Variants in DAOA observed in about 807,000 individuals in gnomAD.
DAOA encodes the protein D-amino acid oxidase regulator.
A neutral mutation model predicts 16.4 loss-of-function variants in DAOA; 15 were observed. The ratio of observed to expected loss-of-function variants is 0.91; its 90% CI spans 0.61 to 1.41. DAOA has a LOEUF of 1.41. Ranked by LOEUF, DAOA falls within the 40% of genes most tolerant of loss-of-function variation. The pLI, the probability that DAOA is intolerant of heterozygous loss-of-function variation, is 0.00. For missense variants in DAOA, 230 were observed against 176.8 expected (o/e 1.30, Z -1.71); for synonymous variants, 75 against 59.1 (o/e 1.27, Z -1.23).
chr13:105,475,077 A>G, intron 4 of DAOA: 1 of 981,268 alleles, frequency 1.0e-6, no homozygotes, highest in Non-Finnish European at 1.2e-6. Flanking sequence ...TGAGGTAAAG[A>G]TGTTAAGCTG....
chr13:105,471,944 A>G (rs776394846), intron 3 of DAOA, among the ~76,000 whole-genome samples: 4 of 152,156 alleles, frequency 2.6e-5, no homozygotes, highest in Non-Finnish European at 5.9e-5. Context: ...TCCCACATTC[A>G]CTATCACACT....
intron 4 of DAOA, 200 bp from the exon 5 acceptor site, chr13:105,489,701 G>A: frequency 1.8e-6 from 2 of 1,133,394 alleles, no homozygotes; most frequent in South Asian, 3.4e-5. Flanking sequence ...CAAATATGTA[G>A]TTGTGGCAGT....
rs183529578 is a variant in DAOA, at chr13:105,471,801, A to G, written c.134-737A>G. Among the ~76,000 whole-genome samples the G allele has an allele frequency of 2.2e-4, 34 of 152,336 alleles. No individual in the cohort carries two copies. The East Asian group carries it at 6.2e-3, about 28-fold the overall frequency. On this transcript the variant is annotated intron_variant, in intron 3 of 5. Coordinates refer to ENST00000375936, the MANE Select transcript of DAOA (RefSeq NM_172370.5). ...CTGGAAGAAAGTCAATTGCATTTAT[A>G]TCATATTTTTAAAATTTTACAAAGT...
At chr13:105,486,255 T>C (rs1878100422) in intron 4 of DAOA, among the ~76,000 whole-genome samples, 1 of 152,134 alleles carries the variant, frequency 6.6e-6, no homozygotes, top group South Asian at 2.1e-4. Flanking sequence ...ATTGGAGTGT[T>C]TTTTTCACTT....
At chr13:105,471,351 T>C (rs552060625) in intron 3 of DAOA, among the ~76,000 whole-genome samples, 116 of 152,126 alleles carry the variant, frequency 7.6e-4, no homozygotes, top group African/African-American at 2.7e-3. Flanking sequence ...ATGAGTCGAA[T>C]AAATGGTATA....
At chr13:105,484,670 C>T (rs1000492489) in intron 4 of DAOA, among the ~76,000 whole-genome samples, 2 of 152,112 alleles carry the variant, frequency 1.3e-5, no homozygotes, top group African/African-American at 4.8e-5. Flanking sequence ...AATTTTGAAA[C>T]CTCACTAAAA....
chr13:105,487,423 G>A (rs1417729702), intron 4 of DAOA, among the ~76,000 whole-genome samples: 2 of 152,068 alleles, frequency 1.3e-5, no homozygotes, highest in Non-Finnish European at 2.9e-5. Context: ...TGAGTTCTGT[G>A]CTCTGTAAGA....
chr13:105,474,478 G>T (rs9519681), intron 4 of DAOA, among the ~76,000 whole-genome samples: 149,265 of 152,142 alleles, frequency 0.98, 73,267 homozygotes, highest in East Asian at 1. Context: ...CAAAGGGCAA[G>T]AGATTAATCA....
At chr13:105,476,096 A>G (rs891204884) in intron 4 of DAOA, among the ~76,000 whole-genome samples, 2 of 152,142 alleles carry the variant, frequency 1.3e-5, no homozygotes, top group African/African-American at 4.8e-5. Flanking sequence ...TTAAAATTTT[A>G]TGTAAATAAT....
chr13:105,488,136 T>C (rs1249966016), intron 4 of DAOA, among the ~76,000 whole-genome samples: 1 of 152,198 alleles, frequency 6.6e-6, no homozygotes, highest in Non-Finnish European at 1.5e-5. Context: ...TCAATAGATA[T>C]ATTTCTGGCA....
chr13:105,481,637 T>C (rs1877752897), intron 4 of DAOA, among the ~76,000 whole-genome samples: 1 of 152,094 alleles, frequency 6.6e-6, no homozygotes, highest in Admixed American at 6.6e-5. Context: ...TGCTCTTATC[T>C]CTCCAATGAG....
At chr13:105,470,368 A>T (rs1876846727) in intron 3 of DAOA, among the ~76,000 whole-genome samples, 2 of 151,144 alleles carry the variant, frequency 1.3e-5, no homozygotes. Flanking sequence ...TTTCTTTTTT[A>T]CCCCCATGGC....
chr13:105,472,689 T>C lies in DAOA; in HGVS notation c.281+4T>C, dbSNP rs1566375222. On this transcript the variant is annotated splice_donor_region_variant and intron_variant, in intron 4 of 5. Transcript: ENST00000375936. ...ACCTTCCTCAGCCCTATGCAGAGTA[T>C]GTATCTTCTTCATTTTAAACTTTTA... The C allele has an allele frequency of 2.5e-6, 4 of 1,597,750 alleles. No individual in the cohort carries two copies. Among genetic ancestry groups the C allele is most frequent in the East Asian group, 4.5e-5 (2 of 44,610 alleles).
At chr13:105,476,973 C>G (rs552640220) in intron 4 of DAOA, 1 of 152,298 alleles carries the variant, frequency 6.6e-6, no homozygotes, top group South Asian at 2.1e-4. Context: ...GTAAATTGTT[C>G]TGAGGAATCC....
chr13:105,466,405 C>G (rs967061198), intron 2 of DAOA, 73 bp downstream of exon 2: 1 of 1,607,596 alleles, frequency 6.2e-7, no homozygotes. Flanking sequence ...GCACAGAGCT[C>G]CCAGGGTGAA....
At chr13:105,482,089 T>G (rs1377499746) in intron 4 of DAOA, among the ~76,000 whole-genome samples, 1 of 152,132 alleles carries the variant, frequency 6.6e-6, no homozygotes, top group African/African-American at 2.4e-5. Flanking sequence ...CTCATGAGAC[T>G]TATTCACTAT....
intron 4 of DAOA, chr13:105,474,930 G>C (rs1279272483): frequency 9.8e-6 from 7 of 716,120 alleles, no homozygotes; most frequent in Non-Finnish European, 1.2e-5. Flanking sequence ...TTAAGCAGAA[G>C]ATTGTATTTC....
At chr13:105,482,317 A>G (rs1237437549) in intron 4 of DAOA, among the ~76,000 whole-genome samples, 1 of 151,960 alleles carries the variant, frequency 6.6e-6, no homozygotes, top group Non-Finnish European at 1.5e-5. Context: ...TCATTAGTCC[A>G]TAATGTTACT....
chr13:105,486,575 C>T (rs116253790), intron 4 of DAOA, among the ~76,000 whole-genome samples: 2,555 of 151,612 alleles, frequency 0.017, 71 homozygotes, highest in African/African-American at 0.058. Flanking sequence ...TTCATGAACG[C>T]TCTCAGTTTC....
Sources: allele counts gnomAD v4.1 joint callset (sites outside exome capture counted in the v4.1 genomes callset), GRCh38; gene constraint gnomAD v4.1.1; transcripts MANE v1.5; gene names NCBI Gene and HGNC (gene_info 2026-07-23, HGNC 2026-07-21).